Variants in IQSEC1 observed in about 807,000 individuals in gnomAD.
IQSEC1 encodes IQ motif and SEC7 domain-containing protein 1.
A neutral mutation model predicts 91.0 loss-of-function variants in IQSEC1; 31 were observed. That is an observed-to-expected ratio of 0.34 (90% CI 0.26 to 0.46). The LOEUF (loss-of-function observed/expected upper bound fraction) is 0.46. Ranked by LOEUF, IQSEC1 falls within the 20% of genes least tolerant of loss-of-function variation. The pLI, the probability that IQSEC1 is intolerant of heterozygous loss-of-function variation, is 1.00. For synonymous variants in IQSEC1, 699 were observed against 662.6 expected (o/e 1.05, Z -0.84); for missense variants, 1,388 against 1,575.6 (o/e 0.88, Z 2.02).
chr3:13,057,145 A>G (rs1448292633), intron 1 of IQSEC1, among the ~76,000 whole-genome samples: 1 of 152,098 alleles, frequency 6.6e-6, no homozygotes, highest in Non-Finnish European at 1.5e-5. Flanking sequence ...CCTGACTGCA[A>G]TGTGCTCCTG....
intron 1 of IQSEC1, among the ~76,000 whole-genome samples, chr3:13,278,270 C>G (rs539033370): frequency 4.6e-5 from 7 of 152,288 alleles, no homozygotes; most frequent in Middle Eastern, 6.8e-3. Flanking sequence ...CCCCAGCCTC[C>G]TTAGGCGATG....
rs111730535 is a variant in IQSEC1 at position 12,969,887 on chromosome 3, C to CA, written c.24-28023dup. ...TTGATTCTCTTGTTTTATCTTTCTG[C>CA]AAAGTGTGCCTCTTGCTCCTGCTCC... is the stretch of plus-strand genomic sequence containing the variant. On this transcript the variant is annotated intron_variant, in intron 1 of 13. Transcript: ENST00000613206. Among the ~76,000 whole-genome samples, 786 of 152,362 alleles carry CA rather than the reference C, an allele frequency of 5.2e-3. 6 individuals are homozygous for CA. Among genetic ancestry groups the CA allele is most frequent in the African/African-American group, 0.018 (740 of 41,578 alleles).
At chr3:13,016,975 C>A (rs138916917) in intron 1 of IQSEC1, among the ~76,000 whole-genome samples, 1 of 152,212 alleles carries the variant, frequency 6.6e-6, no homozygotes, top group Non-Finnish European at 1.5e-5. Context: ...CGGGACCATA[C>A]GCTCTGTGGT....
chr3:13,235,241 C>G (rs1694908021), intron 1 of IQSEC1, among the ~76,000 whole-genome samples: 2 of 152,142 alleles, frequency 1.3e-5, no homozygotes, highest in African/African-American at 2.4e-5. Flanking sequence ...TCTCCCCCAG[C>G]TCTCCAGGGA....
At chr3:13,268,672 T>C (rs564904193) in intron 1 of IQSEC1, among the ~76,000 whole-genome samples, 2 of 152,378 alleles carry the variant, frequency 1.3e-5, no homozygotes, top group East Asian at 3.9e-4. Flanking sequence ...ATCTTAATTG[T>C]ACACGTTTTC....
At position 13,244,913 on chromosome 3, in the gene IQSEC1, G is replaced by A. The variant is rs144984721; in HGVS notation, c.272+37798C>T. 3.0e-3 allele frequency among the ~76,000 whole-genome samples: 459 copies of A among 152,228 alleles called. 3 individuals carry two copies. Among genetic ancestry groups the A allele is most frequent in the African/African-American group, 0.01 (434 of 41,530 alleles). On this transcript the variant is annotated intron_variant, in intron 1 of 15. Coordinates refer to the IQSEC1 transcript ENST00000648114. Reference sequence around the variant, plus strand: ...TGTGACACTCTGCCACCCCACAGTCGCAGCTTCCCATGCCTCTGAGGACTA... The same window carrying A: ...TGTGACACTCTGCCACCCCACAGTCACAGCTTCCCATGCCTCTGAGGACTA...
rs533322609 is a variant in IQSEC1 at position 13,156,428 on chromosome 3, C to A, written c.302+7676G>T. ...GGATGTCATTTTTGTCATTTGGGCTCAACATAGTATTGGAAGTCCTAGATA... is the reference window on the plus strand; with the variant it reads ...GGATGTCATTTTTGTCATTTGGGCTAAACATAGTATTGGAAGTCCTAGATA... On this transcript the variant is annotated intron_variant, in intron 2 of 15. Transcript: ENST00000648114. Among the ~76,000 whole-genome samples, 77 of 152,216 alleles carry A rather than the reference C, an allele frequency of 5.1e-4. 1 individual carries two copies. Among genetic ancestry groups the A allele is most frequent in the African/African-American group, 1.8e-3 (76 of 41,526 alleles).
intron 2 of IQSEC1, among the ~76,000 whole-genome samples, chr3:13,122,490 G>A (rs939753932): frequency 6.6e-6 from 1 of 152,066 alleles, no homozygotes; most frequent in African/African-American, 2.4e-5. Context: ...GGAAGTGAGG[G>A]GTATGGGATG....
intron 1 of IQSEC1, among the ~76,000 whole-genome samples, chr3:13,035,689 C>T (rs141828275): frequency 0.018 from 2,695 of 152,302 alleles, 41 homozygotes; most frequent in Middle Eastern, 0.024. Flanking sequence ...CTGTCCCAAA[C>T]GCTCTGCCAG....
In IQSEC1 at chr3:12,898,034, G is replaced by A. The variant is rs551369373; in HGVS notation, c.*2949C>T. The A allele has an allele frequency of 6.6e-6, 1 of 152,246 alleles. No individual in the cohort carries two copies. The highest frequency in any genetic ancestry group is 2.1e-4 in the South Asian group (1 of 4,834). 9.4% of individuals were successfully genotyped at this position (152,246 alleles called of 1,614,324 possible). A position where few individuals can be genotyped will look rare whatever the true frequency, so the allele number is the denominator to read the frequency against. ...GTCTCCTGCTCCTGTCAGCAATTCTGTATGTAACTGCAGTAATTTGTGTGA... is the reference window on the plus strand; with the variant it reads ...GTCTCCTGCTCCTGTCAGCAATTCTATATGTAACTGCAGTAATTTGTGTGA... On this transcript the variant is annotated 3_prime_UTR_variant, in exon 14 of 14. Transcript: ENST00000613206.
At chr3:13,067,758 G>GGT (rs1364675153) in intron 1 of IQSEC1, among the ~76,000 whole-genome samples, 2 of 152,248 alleles carry the variant, frequency 1.3e-5, no homozygotes, top group Non-Finnish European at 2.9e-5. Context: ...CCTGAGCAAG[G>GGT]CACTTCCCTG....
chr3:13,263,367 T>C (rs1192937572), intron 1 of IQSEC1, among the ~76,000 whole-genome samples: 1 of 142,406 alleles, frequency 7.0e-6, no homozygotes, highest in Non-Finnish European at 1.5e-5. Flanking sequence ...ATCACTATTT[T>C]AAAAGATAAA....
At chr3:12,999,148 G>A (rs972715807) in intron 1 of IQSEC1, among the ~76,000 whole-genome samples, 7 of 152,264 alleles carry the variant, frequency 4.6e-5, no homozygotes, top group South Asian at 2.1e-4. Context: ...ATGACTCCCC[G>A]TGTGACTTCA....
chr3:13,138,528 C>T (rs1355274323), intron 2 of IQSEC1, among the ~76,000 whole-genome samples: 1 of 152,142 alleles, frequency 6.6e-6, no homozygotes, highest in East Asian at 1.9e-4. Flanking sequence ...CTACTCCCAC[C>T]AGGTGGGTGA....
At chr3:12,934,819 G>C (rs1384951740) in intron 3 of IQSEC1, among the ~76,000 whole-genome samples, 1 of 152,100 alleles carries the variant, frequency 6.6e-6, no homozygotes, top group Non-Finnish European at 1.5e-5. Flanking sequence ...TTGGGGAGCA[G>C]CTACTCCATG....
At chr3:13,206,258 C>T (rs1343177495) in intron 1 of IQSEC1, among the ~76,000 whole-genome samples, 1 of 151,882 alleles carries the variant, frequency 6.6e-6, no homozygotes, top group Non-Finnish European at 1.5e-5. Context: ...GGGTGTGGCA[C>T]TAACAGAGAT....
chr3:12,941,851 G>A lies in IQSEC1; in HGVS notation c.38C>T (p.Ala13Val). Residue 13 changes from alanine to valine, a missense_variant, in exon 2 of 14, where the codon GCC becomes GTC. Ala to Val is a moderately conservative substitution (Grantham distance 64). Coordinates refer to ENST00000613206, the MANE Select transcript of IQSEC1 (RefSeq NM_001134382.3). ...CRRRYFVEGE[A>V]PSSETGTSLD... is the part of the protein sequence containing the mutation. ...GGATGTGCCAGTCTCACTGCTGGGG[G>A]CCTCGCCCTCGACGCTGCAGAGGAG... The A allele has an allele frequency of 6.2e-7, 1 of 1,601,190 alleles. No individual in the cohort carries two copies.
chr3:12,920,515 G>A lies in IQSEC1; in HGVS notation c.1935C>T (p.Ile645=), dbSNP rs1352889754. ...PDTIFILAFA[I]ILLNTDMYSP... ...TGTACATGTCGGTGTTCAGCAGGAT[G>A]ATGGCGAAGGCCAGGATGAAAATGG... The change falls in exon 6 of 14, where the codon ATC becomes ATT. Residue 645 remains isoleucine, a synonymous_variant. Transcript: ENST00000613206. The A allele has an allele frequency of 1.2e-6, 2 of 1,614,120 alleles. No homozygotes were observed. Among genetic ancestry groups the A allele is most frequent in the Non-Finnish European group, 8.5e-7 (1 of 1,180,046 alleles).
At position 13,186,793 on chromosome 3, in the gene IQSEC1, C is replaced by G. The variant is rs141054623; in HGVS notation, c.273-22660G>C. Among the ~76,000 whole-genome samples, 1,498 of 152,218 alleles carry G rather than the reference C, an allele frequency of 9.8e-3. 17 individuals carry two copies. Among genetic ancestry groups the G allele is most frequent in the African/African-American group, 0.034 (1,413 of 41,530 alleles). Reference sequence around the variant, plus strand: ...ACTGGACGGCGACCCTTTGGCAGACCCAGGCTCCGTCAGGGACTCAGGCTC... The same window carrying G: ...ACTGGACGGCGACCCTTTGGCAGACGCAGGCTCCGTCAGGGACTCAGGCTC... On this transcript the variant is annotated intron_variant, in intron 1 of 15. Coordinates refer to the IQSEC1 transcript ENST00000648114.
Sources: gnomAD v4.1 joint callset for allele counts (sites outside exome capture counted in the v4.1 genomes callset) on GRCh38, gnomAD v4.1.1 for gene constraint, MANE v1.5 for transcripts, NCBI Gene and HGNC (gene_info 2026-07-23, HGNC 2026-07-21) for gene names.